The following SDHA variants were observed in gnomAD, a reference collection of about 807,000 sequenced individuals.
SDHA encodes the protein succinate dehydrogenase complex flavoprotein subunit A.
Under a neutral mutation model 78.4 loss-of-function variants are expected in SDHA, and 48 were observed. The ratio of observed to expected loss-of-function variants is 0.61; its 90% CI spans 0.49 to 0.78. The LOEUF is 0.78. Among genes scored for constraint, SDHA ranks in the 30% least tolerant of loss-of-function variants. The probability of loss-of-function intolerance (pLI) is 0.00; values close to 1 mark genes in which losing one functional copy is unlikely to be tolerated. For missense variants in SDHA, 680 were observed against 892.7 expected, an observed-to-expected ratio of 0.76 and a Z score of 3.04; for synonymous variants, 326 against 353.9, an observed-to-expected ratio of 0.92 and a Z score of 0.88.
chr5:225,293 C>A, intron 3 of SDHA, 126 bp from the exon 4 acceptor site: 1 of 1,223,116 alleles, frequency 8.2e-7, no homozygotes, highest in Non-Finnish European at 1.2e-6. Context: ...CTGAGGTCAG[C>A]CCTCACTGGG....
chr5:220,973 C>T (rs747196725), intron 1 of SDHA, among the ~76,000 whole-genome samples: 1 of 152,094 alleles, frequency 6.6e-6, no homozygotes. Context: ...CCATCATGCC[C>T]GGCTAATTTT....
At chr5:228,056 G>A in intron 5 of SDHA, 129 bp from the exon 6 acceptor site, 1 of 894,578 alleles carries the variant, frequency 1.1e-6, no homozygotes, top group African/African-American at 1.7e-5. Context: ...TGACACTGTT[G>A]CTGATCTCCT....
intron 1 of SDHA, 39 bp downstream of exon 1, chr5:218,457 G>A (rs1415054052): frequency 1.6e-5 from 22 of 1,344,886 alleles, no homozygotes; most frequent in South Asian, 8.8e-5. Context: ...GCAGGCGGGG[G>A]CCGAGGCGGC....
At chr5:239,773 A>ATTTT (rs113918084) in intron 10 of SDHA, among the ~76,000 whole-genome samples, 5 of 144,208 alleles carry the variant, frequency 3.5e-5, no homozygotes, top group African/African-American at 1.3e-4. Flanking sequence ...TATACATTTA[A>ATTTT]TTTTTTTTTT....
At chr5:254,641 G>T (rs367750085) in intron 14 of SDHA, 135 bp downstream of exon 14, 6 of 1,390,188 alleles carry the variant, frequency 4.3e-6, no homozygotes, top group African/African-American at 1.5e-5. Context: ...TCGAGGCACC[G>T]CTGAAAAAGG....
At chr5:255,104 G>GGGGTTGCAGCCTTGTTCCACACAAGCA (rs1737100194) in intron 14 of SDHA, among the ~76,000 whole-genome samples, 7 of 98,508 alleles carry the variant, frequency 7.1e-5, no homozygotes, top group South Asian at 2.6e-4. Flanking sequence ...CACACGGTGA[G>GGGGTTGCAGCCTTGTTCCACACAAGCA]CAGCGTCCTG....
intron 6 of SDHA, 152 bp downstream of exon 6, chr5:228,485 C>G: frequency 3.4e-6 from 3 of 884,028 alleles, no homozygotes; most frequent in Non-Finnish European, 5.3e-6. Flanking sequence ...CTTTCCCAGC[C>G]GTGGTTCCTC....
intron 11 of SDHA, among the ~76,000 whole-genome samples, chr5:244,564 G>A (rs182708471): frequency 2.6e-5 from 4 of 152,100 alleles, no homozygotes; most frequent in South Asian, 2.1e-4. Flanking sequence ...ACTGATAAAC[G>A]TCCTACCTGT....
At chr5:222,594 C>T (rs2126537018) in intron 1 of SDHA, among the ~76,000 whole-genome samples, 1 of 152,262 alleles carries the variant, frequency 6.6e-6, no homozygotes, top group African/African-American at 2.4e-5. Context: ...CCCACCTTGG[C>T]CTCCCCAAAT....
chr5:264,312 G>A, the SDHA span, among the ~76,000 whole-genome samples: 1 of 152,340 alleles, frequency 6.6e-6, no homozygotes, highest in South Asian at 2.1e-4. Context: ...TCCTTGGATT[G>A]TCTTCTGCAG....
At chr5:224,762 A>G (rs1734913858) in intron 3 of SDHA, 1 of 560,426 alleles carries the variant, frequency 1.8e-6, no homozygotes, top group Non-Finnish European at 3.2e-6. Flanking sequence ...GTTTTCTCTG[A>G]CCATCTTGCC....
chr5:219,696 G>A (rs762076911), intron 1 of SDHA, among the ~76,000 whole-genome samples: 7 of 152,178 alleles, frequency 4.6e-5, no homozygotes, highest in Non-Finnish European at 5.9e-5. Context: ...AAGCAGGAAG[G>A]AAAGCCCATG....
chr5:237,128 A>AT (rs1491545277), intron 10 of SDHA, among the ~76,000 whole-genome samples: 9 of 125,058 alleles, frequency 7.2e-5, no homozygotes, highest in East Asian at 6.0e-4. Flanking sequence ...TTGGGGTTAC[A>AT]TTTTTTTTTA....
At chr5:244,936 G>C (rs575591689) in intron 11 of SDHA, among the ~76,000 whole-genome samples, 1 of 152,272 alleles carries the variant, frequency 6.6e-6, no homozygotes, top group Admixed American at 6.5e-5. Context: ...AAATTTGCAG[G>C]GTTTGAAAGA....
rs185107377 is a variant in SDHA at position 256,609 on chromosome 5, C to T, written c.*189C>T. On this transcript the variant is annotated 3_prime_UTR_variant, in exon 15 of 15. Coordinates refer to ENST00000264932, the MANE Select transcript of SDHA (RefSeq NM_004168.4). Reference sequence around the variant, plus strand: ...CAGTGGCCAGGGAGCGTGGCACTTACCTTTGTCCCTTGCTTCATTCTTGTG... The same window carrying T: ...CAGTGGCCAGGGAGCGTGGCACTTATCTTTGTCCCTTGCTTCATTCTTGTG... 7.1e-5 allele frequency: 44 copies of T among 619,106 alleles called. No homozygotes were observed. The East Asian group carries it at 1.2e-3, about 17-fold the overall frequency. 38.4% of individuals were successfully genotyped at this position (619,106 alleles called of 1,614,324 possible).
intron 11 of SDHA, among the ~76,000 whole-genome samples, chr5:243,593 C>T (rs1422130197): frequency 6.6e-6 from 1 of 152,168 alleles, no homozygotes; most frequent in Non-Finnish European, 1.5e-5. Context: ...GAACAATACC[C>T]TTCCTTTAGT....
At chr5:229,184 A>G (rs1158668697) in intron 6 of SDHA, among the ~76,000 whole-genome samples, 3 of 152,212 alleles carry the variant, frequency 2.0e-5, no homozygotes, top group Non-Finnish European at 2.9e-5. Flanking sequence ...GTAAATTAGT[A>G]CAACTATTAC....
chr5:241,190 T>G (rs1452321696), intron 11 of SDHA, among the ~76,000 whole-genome samples: 8 of 152,176 alleles, frequency 5.3e-5, no homozygotes, highest in Admixed American at 4.6e-4. Context: ...GGGTGTGACC[T>G]CCGTGACCTG....
the SDHA span, among the ~76,000 whole-genome samples, chr5:266,846 G>A: frequency 3.3e-5 from 5 of 151,862 alleles, no homozygotes; most frequent in African/African-American, 4.8e-5. Flanking sequence ...TCAGACCCTC[G>A]CCGTCCCGTG....
Sources: gnomAD v4.1 joint callset for allele counts (sites outside exome capture counted in the v4.1 genomes callset) on GRCh38, gnomAD v4.1.1 for gene constraint, MANE v1.5 for transcripts, NCBI Gene and HGNC (gene_info 2026-07-23, HGNC 2026-07-21) for gene names.